Variants in CLIP2 observed in about 807,000 individuals in gnomAD.
The protein encoded by CLIP2 is CAP-Gly domain containing linker protein 2.
In CLIP2, 41 loss-of-function variants were observed where a neutral mutation model predicts 111.7. The observed-to-expected ratio is 0.37, with a 90% CI of 0.29 to 0.48. The LOEUF (loss-of-function observed/expected upper bound fraction) is 0.48, where lower values mean the gene tolerates loss of function less well. Ranked by LOEUF, CLIP2 falls within the 20% of genes least tolerant of loss-of-function variation. The pLI is 0.99. For missense variants in CLIP2, 1,160 were observed against 1,422.1 expected (o/e 0.82, Z 2.96); for synonymous variants, 660 against 644.2 (o/e 1.02, Z -0.37).
intron 1 of CLIP2, among the ~76,000 whole-genome samples, chr7:74,290,394 C>T (rs1232187666): frequency 6.6e-6 from 1 of 152,166 alleles, no homozygotes; most frequent in Non-Finnish European, 1.5e-5. Flanking sequence ...GATTTTCTGC[C>T]CTCCTCCCGG....
chr7:74,313,011 A>G (rs1342291463), intron 1 of CLIP2, among the ~76,000 whole-genome samples: 1 of 151,812 alleles, frequency 6.6e-6, no homozygotes, highest in Non-Finnish European at 1.5e-5. Flanking sequence ...TTGTCCCTCA[A>G]ATAGGTTTAG....
intron 10 of CLIP2, among the ~76,000 whole-genome samples, chr7:74,379,110 C>G (rs892200680): frequency 6.6e-6 from 1 of 152,164 alleles, no homozygotes; most frequent in Non-Finnish European, 1.5e-5. Flanking sequence ...GATGCCTCCC[C>G]CAGTCCCTGC....
rs142344271 is a variant in CLIP2, at chr7:74,304,679, C to T, written c.-67-12801C>T. ...CCTTAGAAATATAACAAAGGCTGGG[C>T]ATGGTGGCTGATGCCTGTAATCCCA... On this transcript the variant is annotated intron_variant, in intron 1 of 16. Coordinates refer to ENST00000223398, the MANE Select transcript of CLIP2 (RefSeq NM_003388.5). Among the ~76,000 whole-genome samples, 11 of 152,126 alleles carry T rather than the reference C, an allele frequency of 7.2e-5. No individual in the cohort carries two copies. The East Asian group carries it at 2.1e-3, about 29-fold the overall frequency.
chr7:74,314,052 G>A (rs1468675041), intron 1 of CLIP2, among the ~76,000 whole-genome samples: 1 of 151,826 alleles, frequency 6.6e-6, no homozygotes, highest in Non-Finnish European at 1.5e-5. Context: ...GCCTGGTGGC[G>A]GGCGCCTGTA....
intron 2 of CLIP2, among the ~76,000 whole-genome samples, chr7:74,334,267 G>A (rs782230614): frequency 6.6e-6 from 1 of 152,192 alleles, no homozygotes; most frequent in Non-Finnish European, 1.5e-5. Flanking sequence ...GGGGGCAGCC[G>A]AGAGTCCCAC....
Position 74,376,156 on chromosome 7 carries a change from C to T in CLIP2, c.1755C>T (p.Asn585=), listed in dbSNP as rs529112547. ...AGGTGGACAAGCTCCGCGCGGCCAA[C>T]GAGAAGTACGCACAGGAGGTGGCGG... ...QAEVDKLRAA[N]EKYAQEVAGL... Residue 585 remains asparagine (N), a synonymous_variant, in exon 10 of 17, where the codon AAC becomes AAT. Coordinates refer to ENST00000223398, the MANE Select transcript of CLIP2 (RefSeq NM_003388.5). This position sits in a 1 kb window ranked among gnomAD's most constrained non-coding sequence, Gnocchi z 7.1. The T allele has an allele frequency of 3.0e-5, 48 of 1,610,134 alleles. No individual in the cohort carries two copies. Among genetic ancestry groups the T allele is most frequent in the Middle Eastern group, 1.7e-4 (1 of 6,024 alleles).
chr7:74,290,259 G>A (rs1420536710), intron 1 of CLIP2, among the ~76,000 whole-genome samples: 1 of 152,250 alleles, frequency 6.6e-6, no homozygotes, highest in African/African-American at 2.4e-5. Flanking sequence ...GGGGTCGCCT[G>A]GCCGATGGCC....
At chr7:74,303,279 C>T (rs545538328) in intron 1 of CLIP2, among the ~76,000 whole-genome samples, 1 of 152,302 alleles carries the variant, frequency 6.6e-6, no homozygotes, top group South Asian at 2.1e-4. Flanking sequence ...GCAAACAAAG[C>T]TGTGTGGGAT....
intron 11 of CLIP2, among the ~76,000 whole-genome samples, chr7:74,385,122 CAAAAAA>C (rs71094780): frequency 3.9e-5 from 2 of 51,614 alleles, no homozygotes; most frequent in African/African-American, 7.2e-5. Flanking sequence ...ATTAAAAATA[CAAAAAA>C]AAAAAAAAAA....
rs1341083656 is a variant in CLIP2 at position 74,401,431 on chromosome 7, C to T, written c.3067-74C>T. On this transcript the variant is annotated intron_variant, in intron 15 of 16. Coordinates refer to ENST00000223398, the MANE Select transcript of CLIP2 (RefSeq NM_003388.5). ...AGCCTGAGACGGTCCCATGGGAAGA[C>T]CTCGCCATCTAGTGGGAAAATCGGG... 8 of 1,439,070 alleles carry T rather than the reference C, an allele frequency of 5.6e-6. No homozygotes were observed. The African/African-American group carries it at 1.1e-4, about 20-fold the overall frequency. The allele number at this position is 1,439,070 out of a possible 1,614,324, so 89.1% of individuals were successfully genotyped here.
intron 1 of CLIP2, among the ~76,000 whole-genome samples, chr7:74,291,635 C>T (rs1477430398): frequency 1.3e-5 from 2 of 152,232 alleles, no homozygotes; most frequent in Non-Finnish European, 2.9e-5. Context: ...TACAGAGTGG[C>T]TTCCTGGCCC....
intron 1 of CLIP2, among the ~76,000 whole-genome samples, chr7:74,310,036 CAAAAAAAA>C (rs71094774): frequency 2.2e-5 from 2 of 92,498 alleles, no homozygotes; most frequent in Admixed American, 1.2e-4. Context: ...CCTGTCTCTA[CAAAAAAAA>C]AAAAAAAAAA....
chr7:74,300,646 C>T lies in CLIP2; in HGVS notation c.-68+10912C>T, dbSNP rs139148521. Among the ~76,000 whole-genome samples, 13 of 151,650 alleles carry T rather than the reference C, an allele frequency of 8.6e-5. No individual in the cohort carries two copies. In the East Asian group the frequency reaches 1.4e-3, roughly 16 times the overall value. ...AATTTTTTTATATTTTTAGTAGAGA[C>T]GGGTTTTCACCGTGTTAGCCAGGCT... is the stretch of plus-strand genomic sequence containing the variant. On this transcript the variant is annotated intron_variant, in intron 1 of 16. Coordinates refer to ENST00000223398, the MANE Select transcript of CLIP2 (RefSeq NM_003388.5).
chr7:74,379,361 C>T (rs1267371840), intron 10 of CLIP2, among the ~76,000 whole-genome samples: 1 of 151,244 alleles, frequency 6.6e-6, no homozygotes, highest in Non-Finnish European at 1.5e-5. Context: ...TCTTGATTTT[C>T]TGTATACACT....
At chr7:74,395,697 G>A (rs1452098689) in intron 13 of CLIP2, among the ~76,000 whole-genome samples, 5 of 152,162 alleles carry the variant, frequency 3.3e-5, no homozygotes, top group African/African-American at 7.2e-5. Context: ...ACAGGCCACC[G>A]TGGGCTCCTC....
intron 3 of CLIP2, among the ~76,000 whole-genome samples, chr7:74,341,061 C>T (rs1166466864): frequency 2.6e-5 from 4 of 151,970 alleles, no homozygotes; most frequent in East Asian, 1.9e-4. Flanking sequence ...GGTAGGGGAG[C>T]GAGAGGTAAT....
chr7:74,403,767 C>T (rs1212440412), intron 16 of CLIP2, 70 bp from the exon 17 acceptor site: 1 of 1,559,208 alleles, frequency 6.4e-7, no homozygotes, highest in South Asian at 1.1e-5. Context: ...TCCTCCCTGA[C>T]TCCCCTCTGG....
In CLIP2 at chr7:74,372,952, C is replaced by T. The variant is rs558749004; in HGVS notation, c.1401C>T (p.His467=). The T allele has an allele frequency of 5.7e-6, 9 of 1,573,594 alleles. No homozygotes were observed. The highest frequency in any genetic ancestry group is 2.7e-5 in the African/African-American group (2 of 72,916). ...GDLETQTQLE[H]ARIGELEQSL... Reference sequence around the variant, plus strand: ...ACCAGACCCAGACGCAGCTGGAGCACGCGCGCATTGGGGAGCTGGAACAGA... The same window carrying T: ...ACCAGACCCAGACGCAGCTGGAGCATGCGCGCATTGGGGAGCTGGAACAGA... The change falls in exon 9 of 17, where the codon CAC becomes CAT. Residue 467 remains histidine, a synonymous_variant. Coordinates refer to ENST00000223398, the MANE Select transcript of CLIP2 (RefSeq NM_003388.5).
intron 1 of CLIP2, among the ~76,000 whole-genome samples, chr7:74,299,095 G>A (rs1788251148): frequency 6.6e-6 from 1 of 152,088 alleles, no homozygotes; most frequent in Non-Finnish European, 1.5e-5. Context: ...ACTTTGGGAG[G>A]CTAAGGCAGG....
Sources: allele counts gnomAD v4.1 joint callset (sites outside exome capture counted in the v4.1 genomes callset), GRCh38; gene constraint gnomAD v4.1.1; non-coding constraint Gnocchi (gnomAD v3.1); transcripts MANE v1.5; gene names NCBI Gene and HGNC (gene_info 2026-07-23, HGNC 2026-07-21).